The following SRPK2 variants were observed in gnomAD, a reference collection of about 807,000 sequenced individuals.
The protein encoded by SRPK2 is SFRS protein kinase 2.
SRPK2 carries 21 observed loss-of-function variants against 90.8 expected under a neutral mutation model. The observed-to-expected ratio is 0.23, with a 90% CI of 0.16 to 0.33. The LOEUF is 0.33. Ranked by LOEUF, SRPK2 falls within the 10% of genes least tolerant of loss-of-function variation. The pLI is 1.00. For synonymous variants in SRPK2, 288 were observed against 311.1 expected (o/e 0.93, Z 0.78); for missense variants, 620 against 869.0 (o/e 0.71, Z 3.60).
chr7:105,301,952 A>G lies in SRPK2; in HGVS notation c.71+86696T>C. 6 of 1,609,548 alleles carry G rather than the reference A, an allele frequency of 3.7e-6. 1 individual carries two copies. In the South Asian group the frequency reaches 6.6e-5, roughly 18 times the overall value. ...CCCATCAAGTAAGAAAAAAGACAAA[A>G]AAGAATAACTTTCAAAAGCCCAGAA... On this transcript the variant is annotated intron_variant, in intron 2 of 15. Coordinates refer to ENST00000393651, the MANE Select transcript of SRPK2 (RefSeq NM_182692.3).
chr7:105,251,584 C>T (rs574422116), intron 2 of SRPK2, among the ~76,000 whole-genome samples: 41 of 152,288 alleles, frequency 2.7e-4, no homozygotes, highest in African/African-American at 9.9e-4. Flanking sequence ...CACAAGGCTT[C>T]CTTTTCAATA....
chr7:105,185,480 T>C (rs756698467), intron 3 of SRPK2, among the ~76,000 whole-genome samples: 5 of 152,128 alleles, frequency 3.3e-5, no homozygotes, highest in Admixed American at 2.6e-4. Flanking sequence ...GTATATATTA[T>C]AGCACATATC....
intron 10 of SRPK2, 82 bp downstream of exon 10, chr7:105,143,002 T>C (rs1804020858): frequency 1.3e-5 from 20 of 1,525,376 alleles, no homozygotes; most frequent in Middle Eastern, 1.8e-4. Context: ...GCAGCACAAA[T>C]CAGCCCCCAT....
At chr7:105,124,486 C>A (rs1164286413) in intron 15 of SRPK2, among the ~76,000 whole-genome samples, 1 of 151,688 alleles carries the variant, frequency 6.6e-6, no homozygotes, top group Non-Finnish European at 1.5e-5. Context: ...ACTAAAAATA[C>A]AAAAATTAGC....
chr7:105,197,763 G>A (rs975565241), intron 3 of SRPK2, among the ~76,000 whole-genome samples: 6 of 152,154 alleles, frequency 3.9e-5, no homozygotes, highest in East Asian at 1.9e-4. Context: ...ATTAGAGGTC[G>A]AATAAATGCA....
At chr7:105,195,498 C>T (rs1388416321) in intron 3 of SRPK2, among the ~76,000 whole-genome samples, 1 of 152,238 alleles carries the variant, frequency 6.6e-6, no homozygotes, top group Admixed American at 6.5e-5. Flanking sequence ...ACACTCATCT[C>T]TATCCTCTAC....
intron 2 of SRPK2, chr7:105,268,983 C>T (rs559425183): frequency 1.4e-6 from 2 of 1,398,190 alleles, no homozygotes; most frequent in South Asian, 1.5e-5. Context: ...CCACAAGATT[C>T]GCAGTACTTC....
chr7:105,306,481 A>G (rs1365408558), intron 2 of SRPK2: 1 of 453,392 alleles, frequency 2.2e-6, no homozygotes, highest in Admixed American at 2.4e-5. Flanking sequence ...TACTTGAACC[A>G]GGCAAAAAAA....
At chr7:105,328,233 G>A (rs1397705569) in intron 2 of SRPK2, among the ~76,000 whole-genome samples, 1 of 152,102 alleles carries the variant, frequency 6.6e-6, no homozygotes, top group African/African-American at 2.4e-5. Flanking sequence ...TGGAAGGAGT[G>A]ATAAATCAAT....
intron 2 of SRPK2, among the ~76,000 whole-genome samples, chr7:105,288,278 T>C (rs1808438374): frequency 6.6e-6 from 1 of 152,044 alleles, no homozygotes; most frequent in Non-Finnish European, 1.5e-5. Flanking sequence ...ATCACTGAAC[T>C]TAAAATAAAT....
chr7:105,368,503 G>A (rs1465474969), intron 2 of SRPK2, among the ~76,000 whole-genome samples: 2 of 152,132 alleles, frequency 1.3e-5, no homozygotes, highest in Non-Finnish European at 2.9e-5. Flanking sequence ...CTTAATGGTA[G>A]TACAAAAGAC....
At chr7:105,149,510 C>A (rs922135584) in intron 7 of SRPK2, among the ~76,000 whole-genome samples, 1 of 152,144 alleles carries the variant, frequency 6.6e-6, no homozygotes, top group Admixed American at 6.5e-5. Context: ...ACTCAGAGAC[C>A]GGTGCCGGTG....
At chr7:105,121,504 G>C (rs772962722) in intron 15 of SRPK2, among the ~76,000 whole-genome samples, 18 of 152,138 alleles carry the variant, frequency 1.2e-4, no homozygotes, top group Admixed American at 2.0e-4. Flanking sequence ...CCTCCTTAAA[G>C]AATGTGGAAT....
chr7:105,398,746 C>T (rs1270704017), intron 1 of SRPK2, among the ~76,000 whole-genome samples: 1 of 152,158 alleles, frequency 6.6e-6, no homozygotes, highest in Non-Finnish European at 1.5e-5. Context: ...GTGGCAATAG[C>T]ACCATCATAA....
At chr7:105,253,244 A>C (rs1458584030) in intron 2 of SRPK2, among the ~76,000 whole-genome samples, 2 of 152,188 alleles carry the variant, frequency 1.3e-5, no homozygotes, top group African/African-American at 4.8e-5. Flanking sequence ...ATGCTGCCAT[A>C]ATATTCCCAC....
In SRPK2 at chr7:105,188,073, C is replaced by T. The variant is rs144482644; in HGVS notation, c.229+15555G>A. Reference sequence around the variant, plus strand: ...ACAAATGTACACTTTAACTCATATACAAATGTTCACAGCAGCATATTCTCA... The same window carrying T: ...ACAAATGTACACTTTAACTCATATATAAATGTTCACAGCAGCATATTCTCA... On this transcript the variant is annotated intron_variant, in intron 3 of 15. Coordinates refer to ENST00000393651, the MANE Select transcript of SRPK2 (RefSeq NM_182692.3). Among the ~76,000 whole-genome samples the T allele has an allele frequency of 4.7e-3, 715 of 152,222 alleles. 1 individual carries two copies. The highest frequency in any genetic ancestry group is 7.1e-3 in the Non-Finnish European group (483 of 68,006).
In SRPK2 at chr7:105,378,606, T is replaced by A. The variant is rs538306505; in HGVS notation, c.71+10042A>T. Among the ~76,000 whole-genome samples the A allele has an allele frequency of 6.5e-4, 99 of 151,902 alleles. 1 individual carries two copies. In the South Asian group the frequency reaches 0.02, roughly 30 times the overall value. ...GGTGAAACCCCATCTCTACCAAAAA[T>A]ACAAAAATTAGCTGGGCACGGTGGC... is the stretch of plus-strand genomic sequence containing the variant. On this transcript the variant is annotated intron_variant, in intron 2 of 15. Transcript: ENST00000393651.
At chr7:105,297,277 G>A (rs1343755065) in intron 2 of SRPK2, 4 of 188,424 alleles carry the variant, frequency 2.1e-5, no homozygotes, top group Non-Finnish European at 3.0e-5. Flanking sequence ...AAGACCTTTA[G>A]TTTTACATGG....
intron 2 of SRPK2, among the ~76,000 whole-genome samples, chr7:105,256,850 C>G (rs769657388): frequency 6.6e-6 from 1 of 152,196 alleles, no homozygotes; most frequent in Non-Finnish European, 1.5e-5. Context: ...TGTAGCCACT[C>G]ATTGGACATA....
Sources: gnomAD v4.1 joint callset for allele counts (sites outside exome capture counted in the v4.1 genomes callset) on GRCh38, gnomAD v4.1.1 for gene constraint, MANE v1.5 for transcripts, NCBI Gene and HGNC (gene_info 2026-07-23, HGNC 2026-07-21) for gene names.